The following CARMIL1 variants were observed in gnomAD, a reference collection of about 807,000 sequenced individuals.
CARMIL1 encodes F-actin-uncapping protein LRRC16A.
A neutral mutation model predicts 177.1 loss-of-function variants in CARMIL1; 90 were observed. The observed-to-expected ratio is 0.51, with a 90% confidence interval of 0.43 to 0.61. CARMIL1 has a LOEUF of 0.61. Ranked by LOEUF, CARMIL1 falls within the 20% of genes least tolerant of loss-of-function variation. The pLI, the probability that CARMIL1 is intolerant of heterozygous loss-of-function variation, is 0.00. For missense variants in CARMIL1, 1,380 were observed against 1,667.0 expected (o/e 0.83, Z 3.00); for synonymous variants, 577 against 606.2 (o/e 0.95, Z 0.71).
At chr6:25,605,639 C>G (rs1312350445) in intron 34 of CARMIL1, among the ~76,000 whole-genome samples, 8 of 152,172 alleles carry the variant, frequency 5.3e-5, no homozygotes, top group Admixed American at 5.2e-4. Flanking sequence ...CACTCAGAAC[C>G]TGTAGCCAGA....
At chr6:25,467,429 C>A (rs1421334559) in intron 9 of CARMIL1, among the ~76,000 whole-genome samples, 1 of 152,166 alleles carries the variant, frequency 6.6e-6, no homozygotes, top group Non-Finnish European at 1.5e-5. Context: ...GTTTTTCTGG[C>A]TCATTCAAAC....
intron 23 of CARMIL1, among the ~76,000 whole-genome samples, chr6:25,525,608 T>G (rs979122211): frequency 2.6e-5 from 4 of 152,214 alleles, no homozygotes; most frequent in Non-Finnish European, 5.9e-5. Context: ...AATGATGTAA[T>G]AGATGACTAT....
At chr6:25,437,632 C>T (rs918052631) in intron 5 of CARMIL1, among the ~76,000 whole-genome samples, 5 of 152,218 alleles carry the variant, frequency 3.3e-5, no homozygotes, top group African/African-American at 9.6e-5. Context: ...CCAGGCACCT[C>T]ACACTCAGTA....
At chr6:25,541,303 A>G (rs565206441) in intron 26 of CARMIL1, among the ~76,000 whole-genome samples, 5 of 152,334 alleles carry the variant, frequency 3.3e-5, no homozygotes, top group African/African-American at 9.6e-5. Flanking sequence ...AGTTTTTTAT[A>G]TAAGTGATAA....
intron 2 of CARMIL1, among the ~76,000 whole-genome samples, chr6:25,344,867 C>G (rs1313479000): frequency 6.6e-6 from 1 of 152,168 alleles, no homozygotes; most frequent in Non-Finnish European, 1.5e-5. Flanking sequence ...CCTATGTCAT[C>G]TATTTTCTTC....
Position 25,530,988 on chromosome 6 carries a change from C to T in CARMIL1, c.2067+2095C>T, listed in dbSNP as rs78206164. ...ATAACAGATTGTAAATGTTGAAAAT[C>T]GCAATAATGTAAAGGTAACGAAACA... On this transcript the variant is annotated intron_variant, in intron 24 of 36. Coordinates refer to ENST00000329474, the MANE Select transcript of CARMIL1 (RefSeq NM_017640.6). 6.8e-3 allele frequency among the ~76,000 whole-genome samples: 1,033 copies of T among 152,004 alleles called. 9 individuals carry two copies. The highest frequency in any genetic ancestry group is 0.02 in the African/African-American group (845 of 41,448).
At chr6:25,479,920 T>G (rs989019666) in intron 11 of CARMIL1, among the ~76,000 whole-genome samples, 3 of 152,168 alleles carry the variant, frequency 2.0e-5, no homozygotes, top group African/African-American at 7.2e-5. Flanking sequence ...TATTTAGAAA[T>G]ATATTGCTTA....
intron 5 of CARMIL1, among the ~76,000 whole-genome samples, chr6:25,448,918 T>TC (rs1420488531): frequency 7.5e-5 from 4 of 53,586 alleles, no homozygotes; most frequent in East Asian, 5.6e-4. Flanking sequence ...GGATTCTTCT[T>TC]TTTTTTTTTT....
chr6:25,531,653 C>A (rs1807771367), intron 24 of CARMIL1, among the ~76,000 whole-genome samples: 1 of 152,160 alleles, frequency 6.6e-6, no homozygotes, highest in African/African-American at 2.4e-5. Flanking sequence ...AATCTAATTT[C>A]TTTTCCTGCA....
chr6:25,366,459 C>T (rs887948229), intron 2 of CARMIL1, among the ~76,000 whole-genome samples: 1 of 151,912 alleles, frequency 6.6e-6, no homozygotes, highest in African/African-American at 2.4e-5. Flanking sequence ...ACCCTCACCC[C>T]ATTCTGCTTT....
chr6:25,316,850 G>T (rs990134723), intron 2 of CARMIL1, among the ~76,000 whole-genome samples: 1 of 152,170 alleles, frequency 6.6e-6, no homozygotes, highest in Non-Finnish European at 1.5e-5. Context: ...AGGGCCAATT[G>T]TTAAATCCTC....
chr6:25,327,982 G>T (rs1010437120), intron 2 of CARMIL1, among the ~76,000 whole-genome samples: 4 of 152,190 alleles, frequency 2.6e-5, no homozygotes, highest in African/African-American at 9.7e-5. Flanking sequence ...TGGGCATGGG[G>T]AGAGGAATGA....
At chr6:25,330,993 A>G (rs1263346580) in intron 2 of CARMIL1, among the ~76,000 whole-genome samples, 1 of 150,802 alleles carries the variant, frequency 6.6e-6, no homozygotes, top group East Asian at 2.0e-4. Context: ...ATCAAGATAA[A>G]TTGTAGAAAG....
At position 25,509,583 on chromosome 6, in the gene CARMIL1, C is replaced by A; in HGVS notation, c.1396-73C>A. ...TTTATTTTAAGACTGACTGTCTCTC[C>A]TATTTTTAATTTTTTGATTACATCT... On this transcript the variant is annotated intron_variant, in intron 17 of 36. Coordinates refer to ENST00000329474, the MANE Select transcript of CARMIL1 (RefSeq NM_017640.6). The surrounding 1 kb of genome is among the most constrained non-coding windows in gnomAD (Gnocchi z 4.1). 1.0e-6 allele frequency: 1 copy of A among 959,976 alleles called. No individual in the cohort carries two copies. The allele number at this position is 959,976 out of a possible 1,614,324, so 59.5% of individuals were successfully genotyped here. A position where few individuals can be genotyped will look rare whatever the true frequency, so the allele number is the denominator to read the frequency against.
intron 33 of CARMIL1, among the ~76,000 whole-genome samples, chr6:25,601,774 TA>T (rs771541221): frequency 1.3e-4 from 20 of 152,352 alleles, no homozygotes; most frequent in East Asian, 9.6e-4. Flanking sequence ...AATCTCCTTT[TA>T]AAGTATAAGG....
chr6:25,574,632 T>C (rs567271229), intron 29 of CARMIL1, among the ~76,000 whole-genome samples: 2 of 152,362 alleles, frequency 1.3e-5, no homozygotes, highest in East Asian at 3.9e-4. Flanking sequence ...AACATACGTG[T>C]ATTCATGAAC....
intron 2 of CARMIL1, among the ~76,000 whole-genome samples, chr6:25,333,810 T>C (rs10456321): frequency 0.14 from 20,740 of 152,198 alleles, 1,466 homozygotes; most frequent in Middle Eastern, 0.19. Context: ...TCCATATAAC[T>C]GTCATTACTT....
chr6:25,466,924 G>T (rs995650541), intron 9 of CARMIL1, among the ~76,000 whole-genome samples: 1 of 152,182 alleles, frequency 6.6e-6, no homozygotes, highest in African/African-American at 2.4e-5. Context: ...CAAGGCTGTG[G>T]TACCTTAGAT....
At chr6:25,597,416 G>A (rs763973543) in intron 32 of CARMIL1, among the ~76,000 whole-genome samples, 4 of 152,062 alleles carry the variant, frequency 2.6e-5, no homozygotes, top group Non-Finnish European at 4.4e-5. Flanking sequence ...GTGTTAGATC[G>A]TATACTGTGA....
Sources: allele counts gnomAD v4.1 joint callset (sites outside exome capture counted in the v4.1 genomes callset), GRCh38; gene constraint gnomAD v4.1.1; non-coding constraint Gnocchi (gnomAD v3.1); transcripts MANE v1.5; gene names NCBI Gene and HGNC (gene_info 2026-07-23, HGNC 2026-07-21).